ENOSF1: variants seen among roughly 807,000 people sequenced by gnomAD.
ENOSF1 encodes the protein mitochondrial enolase superfamily member 1.
In ENOSF1, 73 loss-of-function variants were observed where a neutral mutation model predicts 68.2. The ratio of observed to expected loss-of-function variants is 1.07; its 90% CI spans 0.89 to 1.30. ENOSF1 has a LOEUF of 1.30. ENOSF1 is among the 50% of genes most tolerant of loss of function. The pLI is 0.00. For synonymous variants in ENOSF1, 223 were observed against 210.4 expected (o/e 1.06, Z -0.52); for missense variants, 589 against 554.5 (o/e 1.06, Z -0.62).
At chr18:706,757 T>C in intron 1 of ENOSF1, 179 bp from the exon 2 acceptor site, 2 of 451,114 alleles carry the variant, frequency 4.4e-6, no homozygotes, top group Admixed American at 3.5e-5. Context: ...AGAAAAGGAA[T>C]GTCCTCCTGA....
Position 691,628 on chromosome 18 carries a change from T to C in ENOSF1, c.424-352A>G, listed in dbSNP as rs186407458. On this transcript the variant is annotated intron_variant, in intron 5 of 15. Coordinates refer to ENST00000647584, the MANE Select transcript of ENOSF1 (RefSeq NM_017512.7). ...TCCCAAAGTGCTGGGATGACAGGGG[T>C]GGGTTATGTTTCTAAGAAGTTGCTT... The C allele has an allele frequency of 5.7e-4, 119 of 208,622 alleles. No homozygotes were observed. The Middle Eastern group carries it at 0.015, about 26-fold the overall frequency. 12.9% of individuals were successfully genotyped at this position (208,622 alleles called of 1,614,324 possible). A position where few individuals can be genotyped will look rare whatever the true frequency, so the allele number is the denominator to read the frequency against.
At chr18:703,912 G>T (rs1045632768) in intron 2 of ENOSF1, among the ~76,000 whole-genome samples, 3 of 152,192 alleles carry the variant, frequency 2.0e-5, no homozygotes, top group Admixed American at 2.0e-4. Flanking sequence ...GTGAGATCTG[G>T]TGACTTAAAA....
intron 2 of ENOSF1, among the ~76,000 whole-genome samples, chr18:705,933 C>CA: frequency 6.6e-6 from 1 of 152,042 alleles, no homozygotes; most frequent in Non-Finnish European, 1.5e-5. Flanking sequence ...TGCTTGAACC[C>CA]AGGAGGCAGA....
At chr18:668,876 C>G (rs1480884962), downstream of ENOSF1, among the ~76,000 whole-genome samples, 1 of 152,050 alleles carries the variant, frequency 6.6e-6, no homozygotes, top group Non-Finnish European at 1.5e-5. Context: ...CTCCAGAGGA[C>G]AGAGCCAGGA....
intron 4 of ENOSF1, 89 bp downstream of exon 4, chr18:694,159 T>C (rs2077482947): frequency 6.0e-6 from 8 of 1,333,540 alleles, no homozygotes; most frequent in Non-Finnish European, 8.4e-6. Context: ...TTTTGGGGGC[T>C]GCAGTGTGTC....
At chr18:693,338 T>G (rs2077396668) in intron 5 of ENOSF1, 1 of 1,206,012 alleles carries the variant, frequency 8.3e-7, no homozygotes, top group South Asian at 1.5e-5. Context: ...TTTTCTTTTT[T>G]TGAGACAGGG....
chr18:696,202 CTCTT>C (rs758844552), intron 3 of ENOSF1, among the ~76,000 whole-genome samples: 3 of 126,716 alleles, frequency 2.4e-5, no homozygotes, highest in Non-Finnish European at 4.7e-5. Context: ...TTACATCTCT[CTCTT>C]TTTTTTTTTT....
At chr18:707,513 C>G (rs1163836694) in intron 1 of ENOSF1, 1 of 152,156 alleles carries the variant, frequency 6.6e-6, no homozygotes, top group Non-Finnish European at 1.5e-5. Flanking sequence ...AAAGTTCAGA[C>G]ACCAGTGGGG....
chr18:678,884 A>C, intron 11 of ENOSF1, 147 bp from the exon 12 acceptor site: 1 of 790,930 alleles, frequency 1.3e-6, no homozygotes, highest in South Asian at 1.6e-5. Flanking sequence ...GTCCAGGGGA[A>C]CACATGCGTG....
downstream of ENOSF1, chr18:669,516 G>T: frequency 9.9e-6 from 2 of 201,902 alleles, no homozygotes; most frequent in East Asian, 1.2e-4. Context: ...GGGATTACAG[G>T]CATGTGCCAC....
downstream of ENOSF1, among the ~76,000 whole-genome samples, chr18:666,909 T>TGATGGAGATGGA (rs1290842892): frequency 4.8e-5 from 2 of 41,492 alleles, 1 homozygote; most frequent in Non-Finnish European, 1.0e-4. Context: ...ATGGAGATGG[T>TGATGGAGATGGA]GATGGTGATG....
intron 5 of ENOSF1, 155 bp from the exon 6 acceptor site, chr18:691,431 A>C (rs1390346598): frequency 1.6e-6 from 1 of 626,718 alleles, no homozygotes; most frequent in Non-Finnish European, 2.8e-6. Flanking sequence ...CTGCAGCCTC[A>C]GTCTCCCTGG....
chr18:694,096 T>C, intron 4 of ENOSF1, 152 bp downstream of exon 4: 4 of 1,022,950 alleles, frequency 3.9e-6, no homozygotes, highest in Middle Eastern at 2.1e-4. Flanking sequence ...CCCTACCTAC[T>C]GCCAAAACCT....
At chr18:668,846 GGAAAAAGAC>G (rs2074916172), downstream of ENOSF1, among the ~76,000 whole-genome samples, 1 of 152,060 alleles carries the variant, frequency 6.6e-6, no homozygotes. Context: ...GTGTAGAAGA[GGAAAAAGAC>G]TTTGTTAGGG....
chr18:664,500 A>G, the ENOSF1 span, among the ~76,000 whole-genome samples: 1 of 139,354 alleles, frequency 7.2e-6, no homozygotes, highest in Non-Finnish European at 1.5e-5. Flanking sequence ...CTAATTGAAT[A>G]CCCTTTATTT....
At chr18:691,016 A>G (rs1027260049) in intron 7 of ENOSF1, 52 bp downstream of exon 7, 4 of 1,600,844 alleles carry the variant, frequency 2.5e-6, no homozygotes, top group Non-Finnish European at 3.4e-6. Context: ...AGGGGCACTC[A>G]AAAGTGGACA....
Position 694,346 on chromosome 18 carries a change from G to C in ENOSF1, c.310-12C>G. The stretch of plus-strand genomic sequence containing the variant: ...TTTTCTGGACCAATCTGGTTAGGAA[G>C]CAAAGTACAAAAGCACTTTTTAGAA... On this transcript the variant is annotated splice_polypyrimidine_tract_variant and intron_variant, in intron 3 of 15. Transcript: ENST00000647584. The C allele has an allele frequency of 6.2e-7, 1 of 1,613,758 alleles. No homozygotes were observed. Among genetic ancestry groups the C allele is most frequent in the Non-Finnish European group, 8.5e-7 (1 of 1,179,762 alleles).
At chr18:665,726 G>A (rs1446646813), downstream of ENOSF1, among the ~76,000 whole-genome samples, 275 of 96,252 alleles carry the variant, frequency 2.9e-3, 72 homozygotes, top group South Asian at 0.094. Context: ...CTCTGTTCTC[G>A]TTGGTTTCAA....
chr18:667,848 C>G (rs1598470684), downstream of ENOSF1: 1 of 152,014 alleles, frequency 6.6e-6, no homozygotes, highest in Non-Finnish European at 1.5e-5. Context: ...TAAATCCTGC[C>G]TAGTATTCAA....
Sources: allele counts gnomAD v4.1 joint callset (sites outside exome capture counted in the v4.1 genomes callset), GRCh38; gene constraint gnomAD v4.1.1; transcripts MANE v1.5; gene names NCBI Gene and HGNC (gene_info 2026-07-23, HGNC 2026-07-21).